CALD1: variants seen among roughly 807,000 people sequenced by gnomAD.
CALD1 encodes caldesmon 1, also known as caldesmon.
CALD1 carries 33 observed loss-of-function variants against 99.9 expected under a neutral mutation model. That is an observed-to-expected ratio of 0.33 (90% CI 0.25 to 0.44). The LOEUF (loss-of-function observed/expected upper bound fraction) is 0.44, where lower values mean the gene tolerates loss of function less well. Ranked by LOEUF, CALD1 falls within the 20% of genes least tolerant of loss-of-function variation. The probability of loss-of-function intolerance (pLI) is 1.00; values close to 1 mark genes in which losing one functional copy is unlikely to be tolerated. For missense variants in CALD1, 861 were observed against 962.1 expected (o/e 0.89, Z 1.39); for synonymous variants, 310 against 325.0 (o/e 0.95, Z 0.50).
intron 2 of CALD1, among the ~76,000 whole-genome samples, chr7:134,847,704 T>C (rs1799910363): frequency 1.3e-5 from 2 of 152,190 alleles, no homozygotes; most frequent in Admixed American, 1.3e-4. Flanking sequence ...CACCTGGTCT[T>C]AAGAGGCACC....
chr7:134,939,413 A>G (rs1473962545), intron 6 of CALD1, among the ~76,000 whole-genome samples: 1 of 152,240 alleles, frequency 6.6e-6, no homozygotes, highest in Non-Finnish European at 1.5e-5. Flanking sequence ...GTTTGTTGTC[A>G]GCACTGGAGC....
intron 1 of CALD1, among the ~76,000 whole-genome samples, chr7:134,754,360 A>T (rs1319757796): frequency 6.6e-6 from 1 of 152,234 alleles, no homozygotes; most frequent in Non-Finnish European, 1.5e-5. Context: ...TCATTTAAAA[A>T]ATTCTGTATC....
At chr7:134,722,704 A>G in the CALD1 span, among the ~76,000 whole-genome samples, 2 of 152,040 alleles carry the variant, frequency 1.3e-5, no homozygotes, top group Non-Finnish European at 1.5e-5. Context: ...ACAGGTGTGA[A>G]CCACCGTGCC....
At chr7:134,781,952 G>C (rs959024870) in intron 1 of CALD1, among the ~76,000 whole-genome samples, 1 of 152,232 alleles carries the variant, frequency 6.6e-6, no homozygotes, top group Admixed American at 6.5e-5. Context: ...ATTGGCTCCT[G>C]TGACTGGCCT....
intron 1 of CALD1, among the ~76,000 whole-genome samples, chr7:134,773,419 G>A (rs185254250): frequency 9.2e-5 from 14 of 151,890 alleles, no homozygotes; most frequent in Admixed American, 8.5e-4. Flanking sequence ...GACTACAGGC[G>A]TGTGCCACCA....
At position 134,970,381 on chromosome 7, in the gene CALD1, T is replaced by C. The variant is rs1808963227; in HGVS notation, c.*2036T>C. ...ATCACTGCTGACTTTTATTCCAATA[T>C]TTGGATGGAGTAAGTTTTAGGGTAG... On this transcript the variant is annotated 3_prime_UTR_variant, in exon 15 of 15. Transcript: ENST00000361675. 6.6e-6 allele frequency: 1 copy of C among 152,520 alleles called. No individual in the cohort carries two copies. Among genetic ancestry groups the C allele is most frequent in the Non-Finnish European group, 1.5e-5 (1 of 68,050 alleles). 9.4% of individuals were successfully genotyped at this position (152,520 alleles called of 1,614,324 possible).
At chr7:134,793,961 C>T (rs1292083566) in intron 1 of CALD1, among the ~76,000 whole-genome samples, 5 of 152,152 alleles carry the variant, frequency 3.3e-5, no homozygotes, top group Non-Finnish European at 7.3e-5. Context: ...TATCTTGTCT[C>T]ACCACTTCAA....
At chr7:134,877,877 T>C (rs1801421141) in intron 3 of CALD1, among the ~76,000 whole-genome samples, 2 of 152,166 alleles carry the variant, frequency 1.3e-5, no homozygotes, top group Admixed American at 1.3e-4. Flanking sequence ...TGTTACAAAA[T>C]GATTTTGAAA....
chr7:134,712,711 G>A, the CALD1 span, among the ~76,000 whole-genome samples: 1 of 152,226 alleles, frequency 6.6e-6, no homozygotes, highest in Non-Finnish European at 1.5e-5. Context: ...TGCTCAAAGG[G>A]ATTCTTCCTA....
chr7:134,777,338 A>G (rs781401131), upstream of CALD1, among the ~76,000 whole-genome samples: 7 of 152,220 alleles, frequency 4.6e-5, no homozygotes, highest in Non-Finnish European at 1.0e-4. Context: ...TCACTCATCT[A>G]CTATACCCTA....
intron 3 of CALD1, among the ~76,000 whole-genome samples, chr7:134,879,909 A>C (rs536983289): frequency 1.3e-5 from 2 of 152,278 alleles, no homozygotes; most frequent in African/African-American, 2.4e-5. Flanking sequence ...TTGGGATAAA[A>C]ATCTCAGTAA....
intron 7 of CALD1, among the ~76,000 whole-genome samples, chr7:134,945,672 A>C (rs1389404118): frequency 1.3e-5 from 2 of 152,220 alleles, no homozygotes; most frequent in Non-Finnish European, 2.9e-5. Context: ...AAAGAATGAC[A>C]TGTAAGTAAT....
At chr7:134,792,638 T>G (rs1460827108) in intron 1 of CALD1, among the ~76,000 whole-genome samples, 2 of 152,138 alleles carry the variant, frequency 1.3e-5, no homozygotes, top group Admixed American at 1.3e-4. Context: ...GGGGCCAACT[T>G]AATGACCTCA....
At chr7:134,925,065 T>C (rs1055103164) in intron 3 of CALD1, among the ~76,000 whole-genome samples, 1 of 152,206 alleles carries the variant, frequency 6.6e-6, no homozygotes, top group Admixed American at 6.5e-5. Flanking sequence ...CGGGCAGTTC[T>C]TTATAGCAGT....
Position 134,933,832 on chromosome 7 carries a change from G to A in CALD1, c.1063G>A (p.Glu355Lys), listed in dbSNP as rs1272982232. 1.9e-6 allele frequency: 3 copies of A among 1,590,154 alleles called. No individual in the cohort carries two copies. Among genetic ancestry groups the A allele is most frequent in the Admixed American group, 3.6e-5 (2 of 55,488 alleles). ...IKEEEKRAAE[E>K]RQRIKEEEKR... The stretch of plus-strand genomic sequence containing the variant: ...GGAGGAAGAGAAAAGGGCAGCAGAG[G>A]AGAGGCAGAGGATAAAAGAGGAAGA... The change falls in exon 5 of 15, where the codon GAG (glutamate) becomes AAG (lysine). Residue 355 changes from glutamate (E) to lysine (K), a missense_variant. Glu to Lys is a moderately conservative substitution (Grantham distance 56). Around this residue, in one of 5 missense-constraint regions of CALD1, gnomAD observed 21 missense variants for 47.5 expected, o/e 0.44. Coordinates refer to ENST00000361675, the MANE Select transcript of CALD1 (RefSeq NM_033138.4).
intron 1 of CALD1, among the ~76,000 whole-genome samples, chr7:134,820,267 C>G (rs1477732366): frequency 6.6e-6 from 1 of 152,142 alleles, no homozygotes; most frequent in Non-Finnish European, 1.5e-5. Context: ...GGACAATGAC[C>G]TAAAAGCTAT....
intron 5 of CALD1, 95 bp downstream of exon 5, chr7:134,934,172 C>T: frequency 1.3e-6 from 2 of 1,512,628 alleles, no homozygotes; most frequent in Non-Finnish European, 1.8e-6. Context: ...ATGCATATAG[C>T]TCACATGCTT....
intron 1 of CALD1, among the ~76,000 whole-genome samples, chr7:134,836,482 C>T (rs1189914983): frequency 4.6e-5 from 7 of 152,220 alleles, no homozygotes; most frequent in South Asian, 2.1e-4. Context: ...GTGATGATTA[C>T]GATGATGAAG....
chr7:134,821,644 A>ACG (rs1453630369), intron 1 of CALD1, among the ~76,000 whole-genome samples: 1 of 111,832 alleles, frequency 8.9e-6, no homozygotes, highest in Non-Finnish European at 1.9e-5. Context: ...GTGCAATGGC[A>ACG]CAATCTTGGC....
Sources: gnomAD v4.1 joint callset for allele counts (sites outside exome capture counted in the v4.1 genomes callset) on GRCh38, gnomAD v4.1.1 for gene constraint, gnomAD v4.1.1 regional missense constraint, MANE v1.5 for transcripts, NCBI Gene and HGNC (gene_info 2026-07-23, HGNC 2026-07-21) for gene names.